Variants in TRAF3IP3 observed in about 807,000 individuals in gnomAD.
The protein encoded by TRAF3IP3 is TRAF3-interacting JNK-activating modulator.
Under a neutral mutation model 86.5 loss-of-function variants are expected in TRAF3IP3, and 64 were observed. The ratio of observed to expected loss-of-function variants is 0.74; its 90% CI spans 0.60 to 0.91. The LOEUF (loss-of-function observed/expected upper bound fraction) is 0.91. Among genes scored for constraint, TRAF3IP3 ranks in the 40% least tolerant of loss-of-function variants. The probability of loss-of-function intolerance (pLI) is 0.00; values close to 1 mark genes in which losing one functional copy is unlikely to be tolerated. For synonymous variants in TRAF3IP3, 220 were observed against 243.9 expected (o/e 0.90, Z 0.91); for missense variants, 579 against 642.9 (o/e 0.90, Z 1.07).
chr1:209,757,048 C>T (rs778664609), intron 1 of TRAF3IP3, among the ~76,000 whole-genome samples: 16 of 152,156 alleles, frequency 1.1e-4, no homozygotes, highest in Non-Finnish European at 2.2e-4. Context: ...CACATACCTT[C>T]TTGTTTTCAA....
intron 8 of TRAF3IP3, among the ~76,000 whole-genome samples, chr1:209,767,640 C>T (rs1200559742): frequency 6.6e-6 from 1 of 151,298 alleles, no homozygotes; most frequent in Non-Finnish European, 1.5e-5. Context: ...CACCACTGTA[C>T]TCCTGCATGG....
chr1:209,762,575 AG>A lies in TRAF3IP3; in HGVS notation c.409del (p.Asp137IlefsTer75). On this transcript the variant is annotated frameshift_variant, in exon 4 of 17. Coordinates refer to ENST00000367025, the MANE Select transcript of TRAF3IP3 (RefSeq NM_025228.4). LOFTEE classifies it high-confidence loss of function. ...AQHPPPSGIC[R>X]DLSDHLSSQA... is the part of the protein sequence containing the mutation. ...GCATCCTCCTCCCTCAGGCATCTGC[AG>A]GGATCTGTCTGACCACCTCTCCTCA... The A allele has an allele frequency of 6.7e-7, 1 of 1,500,174 alleles. No individual in the cohort carries two copies. Among genetic ancestry groups the A allele is most frequent in the Non-Finnish European group, 8.9e-7 (1 of 1,126,774 alleles). The allele number at this position is 1,500,174 out of a possible 1,614,324, so 92.9% of individuals were successfully genotyped here.
chr1:209,771,751 G>A (rs1300252237), intron 8 of TRAF3IP3, among the ~76,000 whole-genome samples: 20 of 129,156 alleles, frequency 1.5e-4, no homozygotes, highest in African/African-American at 4.0e-4. Context: ...AGGTGTGTGC[G>A]CGCATGTGAA....
Position 209,773,038 on chromosome 1 carries a change from A to G in TRAF3IP3, c.774+19A>G. 1 of 1,576,922 alleles carries G rather than the reference A, an allele frequency of 6.3e-7. No individual in the cohort carries two copies. Among genetic ancestry groups the G allele is most frequent in the Non-Finnish European group, 8.6e-7 (1 of 1,161,342 alleles). On this transcript the variant is annotated intron_variant, in intron 9 of 16. Transcript: ENST00000367025. Reference sequence around the variant, plus strand: ...TACCCAGGTAAGCATTCTGAAGGATACTTCCATCTCAGGAATCTAGAATTA... The same window carrying G: ...TACCCAGGTAAGCATTCTGAAGGATGCTTCCATCTCAGGAATCTAGAATTA...
chr1:209,778,251 G>A (rs2077700549), intron 13 of TRAF3IP3, 78 bp downstream of exon 13: 1 of 1,190,588 alleles, frequency 8.4e-7, no homozygotes, highest in African/African-American at 1.5e-5. Context: ...CCAGAGTAGG[G>A]ACTAAGGGCC....
At chr1:209,776,138 C>G (rs2077649682) in intron 11 of TRAF3IP3, 1 of 162,434 alleles carries the variant, frequency 6.2e-6, no homozygotes, top group Non-Finnish European at 1.3e-5. Context: ...AGTATTAACA[C>G]TTTCTGCCAA....
rs184881098 is a variant in TRAF3IP3, at chr1:209,778,929, G to T, written c.1253-386G>T. On this transcript the variant is annotated intron_variant, in intron 13 of 16. Coordinates refer to ENST00000367025, the MANE Select transcript of TRAF3IP3 (RefSeq NM_025228.4). Reference sequence around the variant, plus strand: ...TCAGCAGGGTTGTTTCCTTCTGAGGGCGTTTAGGGAAAGATCTATCCCAGG... The same window carrying T: ...TCAGCAGGGTTGTTTCCTTCTGAGGTCGTTTAGGGAAAGATCTATCCCAGG... The T allele has an allele frequency of 2.3e-4, 52 of 228,620 alleles. No homozygotes were observed. The East Asian group carries it at 4.1e-3, about 18-fold the overall frequency. The allele number at this position is 228,620 out of a possible 1,614,324, so 14.2% of individuals were successfully genotyped here.
At chr1:209,771,031 TGC>T (rs2077490042) in intron 8 of TRAF3IP3, among the ~76,000 whole-genome samples, 1 of 124,900 alleles carries the variant, frequency 8.0e-6, no homozygotes, top group African/African-American at 3.4e-5. Context: ...TGTGTGTGTG[TGC>T]TCAGGTGGAA....
rs1446803161 is a variant in TRAF3IP3 at position 209,763,404 on chromosome 1, G to A, written c.606+12G>A. The A allele has an allele frequency of 6.2e-7, 1 of 1,613,838 alleles. No homozygotes were observed. Among genetic ancestry groups the A allele is most frequent in the East Asian group, 2.2e-5 (1 of 44,888 alleles). On this transcript the variant is annotated intron_variant, in intron 7 of 16. Transcript: ENST00000367025. ...CTGATTACCTCAAAGTAAGTGGCAT[G>A]TGACCCCTCCCCTCAGTTCCTCCAT...
At position 209,780,567 on chromosome 1, in the gene TRAF3IP3, G is replaced by A; in HGVS notation, c.1410G>A (p.Leu470=). ...KEKDWDLRDQ[L]QKKTLQLQAK... ...AAGACTGGGATCTCAGAGACCAGCT[G>A]CAAAAGAAGACTTTGCAGCTCCAGG... Residue 470 remains leucine, a synonymous_variant, in exon 15 of 17, where the codon CTG becomes CTA. Transcript: ENST00000367025. 6.2e-7 allele frequency: 1 copy of A among 1,600,130 alleles called. No individual in the cohort carries two copies. The highest frequency in any genetic ancestry group is 8.5e-7 in the Non-Finnish European group (1 of 1,172,492).
At chr1:209,781,702 A>AT in intron 16 of TRAF3IP3, 1 of 493,258 alleles carries the variant, frequency 2.0e-6, no homozygotes. Context: ...TAAAGTATGA[A>AT]AGGGTGTTCT....
At chr1:209,770,941 GGTGTGC>G (rs2077482303) in intron 8 of TRAF3IP3, among the ~76,000 whole-genome samples, 1 of 143,512 alleles carries the variant, frequency 7.0e-6, no homozygotes, top group Non-Finnish European at 1.5e-5. Flanking sequence ...TGCAGGTGGA[GGTGTGC>G]GTGTGCATGT....
At chr1:209,770,987 TGTGTGCAGGTGGAGGTGTGC>T (rs2077486163) in intron 8 of TRAF3IP3, among the ~76,000 whole-genome samples, 2 of 131,850 alleles carry the variant, frequency 1.5e-5, no homozygotes, top group Admixed American at 7.7e-5. Flanking sequence ...TGGAGGTGTG[TGTGTGCAGGTGGAGGTGTGC>T]GTGTGCATGT....
At chr1:209,757,248 C>T (rs568264746) in intron 1 of TRAF3IP3, among the ~76,000 whole-genome samples, 8 of 152,338 alleles carry the variant, frequency 5.3e-5, no homozygotes, top group Non-Finnish European at 2.9e-5. Context: ...GAGAGCAGAG[C>T]AGCTGTGTGT....
chr1:209,771,068 G>GCA (rs1295423692), intron 8 of TRAF3IP3, among the ~76,000 whole-genome samples: 3 of 141,884 alleles, frequency 2.1e-5, no homozygotes, highest in African/African-American at 2.7e-5. Flanking sequence ...GTGGAGGTGT[G>GCA]TGTGCAGGTG....
At chr1:209,774,113 A>G (rs1429431361) in intron 9 of TRAF3IP3, among the ~76,000 whole-genome samples, 1 of 152,266 alleles carries the variant, frequency 6.6e-6, no homozygotes, top group Non-Finnish European at 1.5e-5. Context: ...CAGAATTGAC[A>G]ATAAAATCTG....
At chr1:209,768,436 G>T in intron 8 of TRAF3IP3, 1 of 985,520 alleles carries the variant, frequency 1.0e-6, no homozygotes, top group Non-Finnish European at 1.2e-6. Flanking sequence ...ATACAAAAAC[G>T]AGAGCAGGGC....
chr1:209,779,198 T>C (rs2077723911), intron 13 of TRAF3IP3, 117 bp from the exon 14 acceptor site: 7 of 755,854 alleles, frequency 9.3e-6, no homozygotes, highest in Middle Eastern at 7.3e-4. Flanking sequence ...GGGACAAAAT[T>C]CAACACACAG....
chr1:209,760,205 C>A lies in TRAF3IP3; in HGVS notation c.166C>A (p.Gln56Lys), dbSNP rs2077221636. ...GKTLRIQQRE[Q>K]LQRARLQQFF... ...GACGCTGAGGATCCAACAGAGAGAGCAGCTCCAGAGAGCTCGACTGCAGCA... is the reference window on the plus strand; with the variant it reads ...GACGCTGAGGATCCAACAGAGAGAGAAGCTCCAGAGAGCTCGACTGCAGCA... The change falls in exon 3 of 17, where the codon CAG (glutamine) becomes AAG (lysine). Residue 56 changes from glutamine to lysine, a missense_variant. Gln to Lys is a moderately conservative substitution (Grantham distance 53, BLOSUM62 1). Coordinates refer to ENST00000367025, the MANE Select transcript of TRAF3IP3 (RefSeq NM_025228.4). The A allele has an allele frequency of 6.2e-7, 1 of 1,614,228 alleles. No homozygotes were observed. Among genetic ancestry groups the A allele is most frequent in the Non-Finnish European group, 8.5e-7 (1 of 1,180,030 alleles).
Sources: gnomAD v4.1 joint callset for allele counts (sites outside exome capture counted in the v4.1 genomes callset) on GRCh38, gnomAD v4.1.1 for gene constraint, MANE v1.5 for transcripts, NCBI Gene and HGNC (gene_info 2026-07-23, HGNC 2026-07-21) for gene names.